SUMF2: variants seen among roughly 807,000 people sequenced by gnomAD.
SUMF2 encodes inactive C-alpha-formylglycine-generating enzyme 2.
A neutral mutation model predicts 44.8 loss-of-function variants in SUMF2; 45 were observed. The ratio of observed to expected loss-of-function variants is 1.00; its 90% confidence interval spans 0.79 to 1.29. The LOEUF is 1.29. Among genes scored for constraint, SUMF2 ranks in the 50% most tolerant of loss-of-function variants. The pLI, the probability that SUMF2 is intolerant of heterozygous loss-of-function variation, is 0.00. For synonymous variants in SUMF2, 148 were observed against 150.4 expected, an observed-to-expected ratio of 0.98 and a Z score of 0.12; for missense variants, 418 against 389.9, an observed-to-expected ratio of 1.07 and a Z score of -0.61.
chr7:56,083,281 G>A (rs754716352), downstream of SUMF2: 20 of 1,613,618 alleles, frequency 1.2e-5, no homozygotes, highest in East Asian at 1.1e-4. Flanking sequence ...ACCAGACCTC[G>A]CAGCCTCTCT....
chr7:56,083,539 G>A, downstream of SUMF2: 5 of 1,521,256 alleles, frequency 3.3e-6, no homozygotes, highest in Middle Eastern at 1.8e-4. Flanking sequence ...CAAGGGAGCA[G>A]CACACACGCC....
At chr7:56,074,851 A>C in intron 5 of SUMF2, 115 bp downstream of exon 5, 1 of 1,318,252 alleles carries the variant, frequency 7.6e-7, no homozygotes, top group Non-Finnish European at 1.1e-6. Flanking sequence ...TAATCCCAAC[A>C]CTTTGGGAGG....
At chr7:56,068,408 G>C in intron 1 of SUMF2, 74 bp from the exon 2 acceptor site, 1 of 1,370,618 alleles carries the variant, frequency 7.3e-7, no homozygotes, top group Non-Finnish European at 9.9e-7. Context: ...CATGAGTATT[G>C]CATATGATCC....
intron 2 of SUMF2, among the ~76,000 whole-genome samples, chr7:56,068,935 A>C (rs1254249605): frequency 6.6e-6 from 1 of 150,680 alleles, no homozygotes; most frequent in Non-Finnish European, 1.5e-5. Context: ...CTGGGCTCGA[A>C]CTCCTGACCT....
chr7:56,074,853 T>TG, intron 5 of SUMF2, 117 bp downstream of exon 5: 3 of 1,304,604 alleles, frequency 2.3e-6, no homozygotes, highest in Non-Finnish European at 3.2e-6. Context: ...ATCCCAACAC[T>TG]TTGGGAGGCT....
At chr7:56,068,038 T>C (rs1002721128) in intron 1 of SUMF2, among the ~76,000 whole-genome samples, 4 of 144,320 alleles carry the variant, frequency 2.8e-5, no homozygotes, top group African/African-American at 1.0e-4. Context: ...TTTCTTTTTT[T>C]TTTTTTTTTT....
chr7:56,076,806 C>T (rs1644214319), intron 5 of SUMF2, 28 bp from the exon 6 acceptor site: 1 of 1,575,678 alleles, frequency 6.3e-7, no homozygotes. Flanking sequence ...CCTCCCCCTC[C>T]TCTGCTGCCT....
downstream of SUMF2, among the ~76,000 whole-genome samples, chr7:56,085,132 T>C (rs1289111566): frequency 1.3e-5 from 2 of 152,162 alleles, no homozygotes; most frequent in African/African-American, 4.8e-5. Context: ...GGCTAACTTT[T>C]GTATTTTTTG....
At chr7:56,076,054 T>C (rs1383091459) in intron 5 of SUMF2, among the ~76,000 whole-genome samples, 1 of 106,386 alleles carries the variant, frequency 9.4e-6, no homozygotes, top group Non-Finnish European at 1.9e-5. Context: ...TGAGACAGAG[T>C]GTCGCTGTGT....
At chr7:56,087,800 C>T in the SUMF2 span, 2 of 1,593,316 alleles carry the variant, frequency 1.3e-6, no homozygotes, top group East Asian at 2.2e-5. Context: ...GGACAGATGG[C>T]CTCGGGGGGC....
Position 56,074,576 on chromosome 7 carries a change from T to C in SUMF2, c.385-10T>C. On this transcript the variant is annotated splice_polypyrimidine_tract_variant and intron_variant, in intron 4 of 8. Coordinates refer to ENST00000434526, the MANE Select transcript of SUMF2 (RefSeq NM_015411.4). ...CCCGGAAGCCTGTCTCACTTAATCC[T>C]GGCTGTCAGCCTGCAGGTCCTGGCT... 1 of 1,613,840 alleles carries C rather than the reference T, an allele frequency of 6.2e-7. No homozygotes were observed. Among genetic ancestry groups the C allele is most frequent in the Non-Finnish European group, 8.5e-7 (1 of 1,179,802 alleles).
chr7:56,080,385 T>TC lies in SUMF2; in HGVS notation c.*775dup, dbSNP rs1378299067. The stretch of plus-strand genomic sequence containing the variant: ...CCCAAGCAATTCTCCCACCTCAGCC[T>TC]CCTGAGTAGCTGGGACTACAAGTGT... On this transcript the variant is annotated 3_prime_UTR_variant, in exon 9 of 9. Coordinates refer to ENST00000434526, the MANE Select transcript of SUMF2 (RefSeq NM_015411.4). The TC allele has an allele frequency of 6.5e-6, 1 of 153,392 alleles. No individual in the cohort carries two copies. The highest frequency in any genetic ancestry group is 1.4e-5 in the Non-Finnish European group (1 of 71,082). The allele number at this position is 153,392 out of a possible 1,614,324, so 9.5% of individuals were successfully genotyped here.
chr7:56,081,885 C>T, downstream of SUMF2: 1 of 1,613,084 alleles, frequency 6.2e-7, no homozygotes, highest in African/African-American at 1.3e-5. The surrounding 1 kb of genome is among the most constrained non-coding windows in gnomAD (Gnocchi z 4.6). Context: ...GTTGGCCTGG[C>T]CTCTCACCAG....
In SUMF2 at chr7:56,064,366, T is replaced by G. The variant is rs1364757700; in HGVS notation, c.55T>G (p.Trp19Gly). 2 of 1,604,486 alleles carry G rather than the reference T, an allele frequency of 1.2e-6. No homozygotes were observed. The highest frequency in any genetic ancestry group is 2.2e-5 in the South Asian group (2 of 89,456). ...CCTGCTGTCGCTCCTGGTCGGCGCG[T>G]GGCTCAAGCTAGGTCAGTGAACCGG... ...LPLLSLLVGA[W>G]LKLGNGQATS... The change falls in exon 1 of 9, where the codon TGG becomes GGG. Residue 19 changes from tryptophan to glycine, a missense_variant. Transcript: ENST00000434526.
At chr7:56,087,760 C>T in the SUMF2 span, 3 of 1,612,452 alleles carry the variant, frequency 1.9e-6, no homozygotes, top group Non-Finnish European at 1.7e-6. Context: ...CATCGCCTGA[C>T]CACACTGCTA....
chr7:56,070,328 G>C (rs1795076185), intron 2 of SUMF2, among the ~76,000 whole-genome samples: 1 of 152,042 alleles, frequency 6.6e-6, no homozygotes. Flanking sequence ...GTTGTGAGAT[G>C]AGATATGTGA....
At chr7:56,067,074 G>C (rs139791613) in intron 1 of SUMF2, among the ~76,000 whole-genome samples, 211 of 152,306 alleles carry the variant, frequency 1.4e-3, no homozygotes, top group Middle Eastern at 6.8e-3. Flanking sequence ...ATAATGGTGA[G>C]AATCACTAAG....
downstream of SUMF2, among the ~76,000 whole-genome samples, chr7:56,084,636 G>A (rs1278402308): frequency 2.0e-5 from 3 of 151,862 alleles, no homozygotes; most frequent in Non-Finnish European, 4.4e-5. Flanking sequence ...GCCTCCCAAA[G>A]TGTTGGGATT....
intron 5 of SUMF2, chr7:56,076,527 C>A (rs989493656): frequency 2.5e-5 from 7 of 275,922 alleles, no homozygotes; most frequent in African/African-American, 1.5e-4. Flanking sequence ...AATCTAAGTC[C>A]AATTTCAAGT....
Sources: gnomAD v4.1 joint callset for allele counts (sites outside exome capture counted in the v4.1 genomes callset) on GRCh38, gnomAD v4.1.1 for gene constraint, Gnocchi (gnomAD v3.1) non-coding constraint, MANE v1.5 for transcripts, NCBI Gene and HGNC (gene_info 2026-07-23, HGNC 2026-07-21) for gene names.